The following TMLHE variants were observed in gnomAD, a reference collection of about 807,000 sequenced individuals.
The protein encoded by TMLHE is trimethyllysine dioxygenase, mitochondrial.
A neutral mutation model predicts 25.7 loss-of-function variants in TMLHE; 18 were observed. The observed-to-expected ratio is 0.70, with a 90% CI of 0.48 to 1.04. The LOEUF is 1.04. TMLHE is among the 50% of genes least tolerant of loss of function. The pLI is 0.00. For synonymous variants in TMLHE, 105 were observed against 97.0 expected (o/e 1.08, Z -0.49); for missense variants, 236 against 259.0 (o/e 0.91, Z 0.61).
In TMLHE at chrX:155,535,403, T is replaced by G. The variant is rs1206829186; in HGVS notation, c.181+9693A>C. On this transcript the variant is annotated intron_variant, in intron 2 of 7. Transcript: ENST00000334398. ...ACACTCTTCTTGCTGTGCAGATGGCTACCTTGTTGCTATATCCTCAAATGA... is the reference window on the plus strand; with the variant it reads ...ACACTCTTCTTGCTGTGCAGATGGCGACCTTGTTGCTATATCCTCAAATGA... 5.3e-5 allele frequency among the ~76,000 whole-genome samples: 6 copies of G among 112,167 alleles called. No homozygotes were observed. In the Admixed American group the frequency reaches 5.7e-4, roughly 11 times the overall value.
At chrX:155,530,320 GA>G (rs1167382491) in intron 2 of TMLHE, among the ~76,000 whole-genome samples, 2 of 110,182 alleles carry the variant, frequency 1.8e-5, no homozygotes, top group Non-Finnish European at 3.8e-5. Context: ...ACCAGATACA[GA>G]AAAAAAATTT....
chrX:155,547,233 C>A (rs1439118194), intron 1 of TMLHE, among the ~76,000 whole-genome samples: 3 of 92,669 alleles, frequency 3.2e-5, no homozygotes, highest in Non-Finnish European at 6.7e-5. Flanking sequence ...CAAGCTCCGC[C>A]TCCCGGGTTC....
In TMLHE at chrX:155,560,989, G is replaced by A. The variant is rs1337911999; in HGVS notation, c.-1-15712C>T. Reference sequence around the variant, plus strand: ...CTATTACAGTACTGGATTTATTGAAGTAATCCAGGCAAGAAATGATAGTGA... The same window carrying A: ...CTATTACAGTACTGGATTTATTGAAATAATCCAGGCAAGAAATGATAGTGA... On this transcript the variant is annotated intron_variant, in intron 1 of 7. Coordinates refer to ENST00000334398, the MANE Select transcript of TMLHE (RefSeq NM_018196.4). 4.3e-4 allele frequency among the ~76,000 whole-genome samples: 26 copies of A among 60,946 alleles called. 7 individuals carry two copies. The highest frequency in any genetic ancestry group is 9.1e-5 in the Non-Finnish European group (2 of 21,906). The allele number at this position is 60,946 out of a possible 115,157, so 52.9% of individuals were successfully genotyped here. A position where few individuals can be genotyped will look rare whatever the true frequency, so the allele number is the denominator to read the frequency against.
chrX:155,591,600 A>AT (rs1419825445), intron 1 of TMLHE, among the ~76,000 whole-genome samples: 4 of 111,524 alleles, frequency 3.6e-5, no homozygotes, highest in African/African-American at 9.7e-5. Context: ...CCAAGGGGAA[A>AT]TTTTTTTTGA....
At chrX:155,525,917 G>A (rs1378526968) in intron 2 of TMLHE, among the ~76,000 whole-genome samples, 1 of 112,517 alleles carries the variant, frequency 8.9e-6, no homozygotes, top group African/African-American at 3.2e-5. Context: ...AACAGTGTAT[G>A]CTCATATGCA....
chrX:155,547,243 C>G (rs1359461512), intron 1 of TMLHE, among the ~76,000 whole-genome samples: 1 of 91,137 alleles, frequency 1.1e-5, no homozygotes, highest in African/African-American at 3.7e-5. Flanking sequence ...CTCCCGGGTT[C>G]ACGCCATTCT....
rs781801599 is a variant in TMLHE at position 155,583,663 on chromosome X, A to G, written c.-2+29129T>C. On this transcript the variant is annotated intron_variant, in intron 1 of 7. Transcript: ENST00000334398. ...TAATAAAATTGTCTTTTGCAGCAAC[A>G]TGGATGTAACTGAATGCCATTATCT... Among the ~76,000 whole-genome samples the G allele has an allele frequency of 4.4e-5, 5 of 112,442 alleles. No homozygotes were observed. In the East Asian group the frequency reaches 1.4e-3, roughly 31 times the overall value.
chrX:155,578,870 C>A (rs1414932810), intron 1 of TMLHE, among the ~76,000 whole-genome samples: 3 of 111,543 alleles, frequency 2.7e-5, no homozygotes, highest in African/African-American at 9.8e-5. Flanking sequence ...CCCTAGAAAA[C>A]CCTAAAGACT....
chrX:155,523,640 G>A (rs1557336080), intron 3 of TMLHE, among the ~76,000 whole-genome samples: 1 of 111,054 alleles, frequency 9.0e-6, no homozygotes, highest in East Asian at 2.8e-4. Context: ...CCTAGGGCCT[G>A]TATATTTCCA....
intron 3 of TMLHE, among the ~76,000 whole-genome samples, chrX:155,516,013 C>CTTTTT (rs11427691): frequency 2.4e-5 from 2 of 82,091 alleles, no homozygotes; most frequent in African/African-American, 8.6e-5. Flanking sequence ...TACTTTTCTT[C>CTTTTT]TTTTTTTTTT....
intron 2 of TMLHE, among the ~76,000 whole-genome samples, chrX:155,530,820 G>A (rs1162046347): frequency 2.7e-5 from 3 of 112,611 alleles, no homozygotes; most frequent in Admixed American, 1.9e-4. Flanking sequence ...GCTCCAATCA[G>A]CAGTAGTTCC....
chrX:155,582,536 G>T (rs1341239359), intron 1 of TMLHE, among the ~76,000 whole-genome samples: 1 of 112,181 alleles, frequency 8.9e-6, no homozygotes, highest in African/African-American at 3.2e-5. Context: ...CTTCTCAAAA[G>T]AAGACATCTA....
At chrX:155,538,073 T>A (rs2067290040) in intron 2 of TMLHE, among the ~76,000 whole-genome samples, 1 of 111,264 alleles carries the variant, frequency 9.0e-6, no homozygotes, top group Non-Finnish European at 1.9e-5. Flanking sequence ...TTGAAATGTA[T>A]TCCTCCTATC....
chrX:155,607,223 C>G (rs2067792207), intron 1 of TMLHE, among the ~76,000 whole-genome samples: 1 of 111,810 alleles, frequency 8.9e-6, no homozygotes, highest in Non-Finnish European at 1.9e-5. Context: ...AGCTAATTCA[C>G]CAAGATCAAG....
chrX:155,536,791 A>G (rs1445155182), intron 2 of TMLHE, among the ~76,000 whole-genome samples: 1 of 111,911 alleles, frequency 8.9e-6, no homozygotes, highest in Non-Finnish European at 1.9e-5. Context: ...TGCTTCTTAT[A>G]TTTATTTACT....
chrX:155,609,273 A>G (rs1386964671), intron 1 of TMLHE, among the ~76,000 whole-genome samples: 1 of 111,867 alleles, frequency 8.9e-6, no homozygotes, highest in African/African-American at 3.3e-5. Context: ...TATTCTAAGC[A>G]AAGTAACACA....
intron 1 of TMLHE, among the ~76,000 whole-genome samples, chrX:155,548,999 G>C (rs1024652524): frequency 2.7e-5 from 3 of 110,648 alleles, no homozygotes; most frequent in Admixed American, 9.5e-5. Context: ...TCATTCCTAA[G>C]TGATTTCTTG....
rs2067507135 is a variant in TMLHE, at chrX:155,564,776, A to G, written c.-1-19499T>C. Among the ~76,000 whole-genome samples the G allele has an allele frequency of 1.8e-4, 11 of 61,848 alleles. 3 individuals are homozygous for G. The South Asian group carries it at 9.7e-3, about 55-fold the overall frequency. 53.7% of individuals were successfully genotyped at this position (61,848 alleles called of 115,157 possible). A position where few individuals can be genotyped will look rare whatever the true frequency, so the allele number is the denominator to read the frequency against. On this transcript the variant is annotated intron_variant, in intron 1 of 7. Transcript: ENST00000334398. ...CATCTTCAAGCCATATTCAGCCCCA[A>G]TGTGGACAGTTGTCAACCTCTGCTC...
rs184243092 is a variant in TMLHE at position 155,547,386 on chromosome X, C to T, written c.-1-2109G>A. ...GTCTCGATCTCCTGACCTCGTGATCCGCCGCCTCAGCCTCCCAAAGTGCTG... is the reference window on the plus strand; with the variant it reads ...GTCTCGATCTCCTGACCTCGTGATCTGCCGCCTCAGCCTCCCAAAGTGCTG... On this transcript the variant is annotated intron_variant, in intron 1 of 7. Transcript: ENST00000334398. Among the ~76,000 whole-genome samples the T allele has an allele frequency of 7.3e-3, 804 of 110,486 alleles. 6 individuals carry two copies. Among genetic ancestry groups the T allele is most frequent in the African/African-American group, 0.024 (742 of 30,375 alleles).
Sources: allele counts gnomAD v4.1 joint callset (sites outside exome capture counted in the v4.1 genomes callset), GRCh38; gene constraint gnomAD v4.1.1; transcripts MANE v1.5; gene names NCBI Gene and HGNC (gene_info 2026-07-23, HGNC 2026-07-21).